PHF24: variants seen among roughly 807,000 people sequenced by gnomAD.
PHF24 encodes PHD finger protein 24.
A neutral mutation model predicts 42.6 loss-of-function variants in PHF24; 25 were observed. That is an observed-to-expected ratio of 0.59 (90% CI 0.43 to 0.82). The LOEUF (loss-of-function observed/expected upper bound fraction) is 0.82. Ranked by LOEUF, PHF24 falls within the 40% of genes least tolerant of loss-of-function variation. The probability of loss-of-function intolerance (pLI) is 0.00; values close to 1 mark genes in which losing one functional copy is unlikely to be tolerated. For missense variants in PHF24, 470 were observed against 538.1 expected (o/e 0.87, Z 1.25); for synonymous variants, 185 against 204.8 (o/e 0.90, Z 0.83).
the PHF24 span, among the ~76,000 whole-genome samples, chr9:34,891,518 A>G: frequency 6.6e-6 from 1 of 152,178 alleles, no homozygotes; most frequent in Non-Finnish European, 1.5e-5. Flanking sequence ...GAAGACCCAC[A>G]TAGGTCAGGG....
the PHF24 span, among the ~76,000 whole-genome samples, chr9:34,774,635 C>T: frequency 2.0e-5 from 3 of 152,050 alleles, no homozygotes; most frequent in East Asian, 1.9e-4. Context: ...TTACTGGGAG[C>T]GGTGGCGGGC....
the PHF24 span, among the ~76,000 whole-genome samples, chr9:34,744,113 C>T: frequency 6.6e-6 from 1 of 152,186 alleles, no homozygotes; most frequent in Non-Finnish European, 1.5e-5. Context: ...AGGTTTCCAA[C>T]ACATGAACTT....
At chr9:34,829,794 G>A in the PHF24 span, among the ~76,000 whole-genome samples, 2 of 152,286 alleles carry the variant, frequency 1.3e-5, no homozygotes, top group Admixed American at 6.5e-5. Context: ...AGGAAAGGGG[G>A]CTAACTTGAG....
the PHF24 span, among the ~76,000 whole-genome samples, chr9:34,915,232 C>T: frequency 6.6e-6 from 1 of 151,758 alleles, no homozygotes. Flanking sequence ...CGGGGTTTCA[C>T]CAGACACATT....
At chr9:34,854,196 A>ATTTTTTTTTTTTT in the PHF24 span, among the ~76,000 whole-genome samples, 1 of 106,666 alleles carries the variant, frequency 9.4e-6, no homozygotes, top group East Asian at 3.8e-4. Context: ...CAGTCTATCT[A>ATTTTTTTTTTTTT]TTTTTTTTTT....
the PHF24 span, among the ~76,000 whole-genome samples, chr9:34,785,062 C>T: frequency 6.6e-6 from 1 of 152,188 alleles, no homozygotes; most frequent in Non-Finnish European, 1.5e-5. Flanking sequence ...ATGCCACAGA[C>T]TGGGTAATTT....
chr9:34,963,757 G>A (rs956961515), intron 1 of PHF24, among the ~76,000 whole-genome samples: 1 of 152,154 alleles, frequency 6.6e-6, no homozygotes, highest in African/African-American at 2.4e-5. Context: ...TCATCCTCGT[G>A]TTCTCATCCC....
At chr9:34,962,029 C>T (rs957076792) in intron 1 of PHF24, among the ~76,000 whole-genome samples, 10 of 152,256 alleles carry the variant, frequency 6.6e-5, no homozygotes, top group South Asian at 2.1e-4. Flanking sequence ...TCTTAGGTTG[C>T]GAAGGAGTTT....
the PHF24 span, among the ~76,000 whole-genome samples, chr9:34,913,257 G>A: frequency 1.3e-5 from 2 of 152,114 alleles, no homozygotes; most frequent in African/African-American, 4.8e-5. Context: ...AAAAAGATTG[G>A]TGTAGAAAAT....
At chr9:34,854,863 A>G in the PHF24 span, among the ~76,000 whole-genome samples, 1 of 152,110 alleles carries the variant, frequency 6.6e-6, no homozygotes, top group Admixed American at 6.5e-5. Flanking sequence ...TCGGTCTAAT[A>G]TTGTCAGTGG....
At chr9:34,798,969 T>G in the PHF24 span, among the ~76,000 whole-genome samples, 3 of 152,232 alleles carry the variant, frequency 2.0e-5, no homozygotes, top group African/African-American at 7.2e-5. Flanking sequence ...GTGTTGAGCA[T>G]TTTTTCATGT....
the PHF24 span, among the ~76,000 whole-genome samples, chr9:34,849,331 A>T: frequency 6.6e-6 from 1 of 152,060 alleles, no homozygotes; most frequent in African/African-American, 2.4e-5. Context: ...CTTCTTGTTG[A>T]ATTGATCCCT....
At chr9:34,887,051 C>A in the PHF24 span, among the ~76,000 whole-genome samples, 5 of 152,168 alleles carry the variant, frequency 3.3e-5, no homozygotes, top group Non-Finnish European at 2.9e-5. Flanking sequence ...GTCAGTATTT[C>A]CCACATCAAT....
At chr9:34,696,727 G>A in the PHF24 span, among the ~76,000 whole-genome samples, 1 of 152,116 alleles carries the variant, frequency 6.6e-6, no homozygotes, top group Non-Finnish European at 1.5e-5. Flanking sequence ...ACAAAGCTGA[G>A]AACTTTGGAC....
the PHF24 span, among the ~76,000 whole-genome samples, chr9:34,698,962 C>T: frequency 6.6e-6 from 1 of 152,236 alleles, no homozygotes; most frequent in East Asian, 1.9e-4. Context: ...CATGCTTCTT[C>T]TGCTAACAGT....
the PHF24 span, among the ~76,000 whole-genome samples, chr9:34,941,729 G>A: frequency 6.6e-6 from 1 of 152,150 alleles, no homozygotes; most frequent in African/African-American, 2.4e-5. Flanking sequence ...TTACATGGTG[G>A]ACGCCTTCCA....
At chr9:34,933,304 TATG>T in the PHF24 span, among the ~76,000 whole-genome samples, 2 of 152,220 alleles carry the variant, frequency 1.3e-5, no homozygotes, top group Admixed American at 6.5e-5. Context: ...CAGATTTTCT[TATG>T]ATATTAATAA....
chr9:34,894,199 A>G, the PHF24 span, among the ~76,000 whole-genome samples: 1 of 152,162 alleles, frequency 6.6e-6, no homozygotes, highest in Admixed American at 6.5e-5. Flanking sequence ...ATACACTAGT[A>G]CAAGCCTGAA....
At chr9:34,723,886 C>G in the PHF24 span, 1 of 1,551,610 alleles carries the variant, frequency 6.4e-7, no homozygotes, top group Non-Finnish European at 8.7e-7. Flanking sequence ...GGAGCTTAAG[C>G]TGAGGGTGAT....
Sources: allele counts gnomAD v4.1 joint callset (sites outside exome capture counted in the v4.1 genomes callset), GRCh38; gene constraint gnomAD v4.1.1; transcripts MANE v1.5; gene names NCBI Gene and HGNC (gene_info 2026-07-23, HGNC 2026-07-21).